ZZZ3: variants seen among roughly 807,000 people sequenced by gnomAD.
The protein encoded by ZZZ3 is ZZ-type zinc finger-containing protein 3.
A neutral mutation model predicts 95.2 loss-of-function variants in ZZZ3; 22 were observed. The ratio of observed to expected loss-of-function variants is 0.23; its 90% CI spans 0.17 to 0.33. ZZZ3 has a LOEUF of 0.33. Ranked by LOEUF, ZZZ3 falls within the 10% of genes least tolerant of loss-of-function variation. The pLI, the probability that ZZZ3 is intolerant of heterozygous loss-of-function variation, is 1.00. For missense variants in ZZZ3, 885 were observed against 1,066.5 expected (o/e 0.83, Z 2.37); for synonymous variants, 335 against 358.9 (o/e 0.93, Z 0.75).
In ZZZ3 at chr1:77,578,880, A is replaced by G; in HGVS notation, c.2083-11T>C. ...TACTCGGCTGGCAACCTAAGGAAAC[A>G]TGACAAGTCTCTTAACACAATGAGA... is the stretch of plus-strand genomic sequence containing the variant. On this transcript the variant is annotated splice_polypyrimidine_tract_variant and intron_variant, in intron 10 of 14. Coordinates refer to ENST00000370801, the MANE Select transcript of ZZZ3 (RefSeq NM_015534.6). 2.0e-6 allele frequency: 3 copies of G among 1,532,864 alleles called. No individual in the cohort carries two copies. The highest frequency in any genetic ancestry group is 2.6e-6 in the Non-Finnish European group (3 of 1,143,846). 95.0% of individuals were successfully genotyped at this position (1,532,864 alleles called of 1,614,324 possible).
intron 11 of ZZZ3, among the ~76,000 whole-genome samples, chr1:77,578,247 A>AT (rs1398003581): frequency 1.3e-5 from 2 of 152,248 alleles, no homozygotes; most frequent in Admixed American, 1.3e-4. Context: ...ACAATATTTT[A>AT]TTTTTTTAAA....
chr1:77,609,493 A>C (rs1253148612), intron 5 of ZZZ3, among the ~76,000 whole-genome samples: 1 of 151,936 alleles, frequency 6.6e-6, no homozygotes, highest in Non-Finnish European at 1.5e-5. Context: ...AGACAGAAAA[A>C]TAAACAAAGA....
chr1:77,592,853 C>A (rs78223713), intron 5 of ZZZ3, among the ~76,000 whole-genome samples: 10,078 of 152,192 alleles, frequency 0.066, 686 homozygotes, highest in African/African-American at 0.17. Flanking sequence ...AACCAATATA[C>A]AGCTGGAGAA....
chr1:77,639,656 T>A, intron 3 of ZZZ3, 54 bp from the exon 4 acceptor site: 1 of 402,974 alleles, frequency 2.5e-6, no homozygotes, highest in Non-Finnish European at 4.3e-6. Context: ...GAACTTATGC[T>A]AATAGATTTA....
In ZZZ3 at chr1:77,575,012, C is replaced by T. The variant is rs150325961; in HGVS notation, c.2331+1056G>A. Among the ~76,000 whole-genome samples, 407 of 152,214 alleles carry T rather than the reference C, an allele frequency of 2.7e-3. 2 individuals carry two copies. The highest frequency in any genetic ancestry group is 8.6e-3 in the African/African-American group (358 of 41,532). ...TATCCTGGCCAACATAGTGAACCCC[C>T]GCCTCTACTGAAAATACAAAAACTA... On this transcript the variant is annotated intron_variant, in intron 12 of 14. Transcript: ENST00000370801.
intron 10 of ZZZ3, 134 bp downstream of exon 10, chr1:77,579,391 TAA>T: frequency 1.8e-6 from 1 of 564,936 alleles, no homozygotes; most frequent in Non-Finnish European, 3.1e-6. Context: ...ACAATTTTTT[TAA>T]AAAAACACCA....
rs989999330 is a variant in ZZZ3 at position 77,568,222 on chromosome 1, T to G, written c.2466+110A>C. 6.9e-6 allele frequency: 6 copies of G among 866,502 alleles called. No homozygotes were observed. In the African/African-American group the frequency reaches 1.1e-4, roughly 16 times the overall value. The allele number at this position is 866,502 out of a possible 1,614,324, so 53.7% of individuals were successfully genotyped here. The stretch of plus-strand genomic sequence containing the variant: ...TGAACCCGGGAGGCAGAGGTTGCAG[T>G]AAGCTGAGATCACGCCACTGCACTC... On this transcript the variant is annotated intron_variant, in intron 13 of 14. Transcript: ENST00000370801.
At chr1:77,642,761 A>AT (rs1216260875) in intron 1 of ZZZ3, among the ~76,000 whole-genome samples, 2 of 151,914 alleles carry the variant, frequency 1.3e-5, no homozygotes, top group African/African-American at 2.4e-5. Flanking sequence ...CAAAAACAAA[A>AT]TTTTTTTTAA....
In ZZZ3 at chr1:77,633,290, G is replaced by A. The variant is rs773387525; in HGVS notation, c.65C>T (p.Ser22Phe). 1 of 1,613,974 alleles carries A rather than the reference G, an allele frequency of 6.2e-7. No individual in the cohort carries two copies. The highest frequency in any genetic ancestry group is 1.1e-5 in the South Asian group (1 of 91,042). ...STVGLNGLDE[S>F]FCGRTLRNRS... Reference sequence around the variant, plus strand: ...ATTCCTTAAAGTTCTACCACAAAAAGATTCATCCAAGCCGTTTAACCCCAC... The same window carrying A: ...ATTCCTTAAAGTTCTACCACAAAAAAATTCATCCAAGCCGTTTAACCCCAC... Residue 22 changes from serine (S) to phenylalanine (F), a missense_variant, in exon 5 of 15, where the codon TCT becomes TTT. By Grantham distance (155) the Ser-to-Phe change is radical. Transcript: ENST00000370801.
chr1:77,564,529 T>G lies in ZZZ3; in HGVS notation c.*1111A>C, dbSNP rs867726261. ...ATAATATAAACAGACAGTATCCACA[T>G]AGTTTATTTCTCACAGTTCTCCTGA... On this transcript the variant is annotated 3_prime_UTR_variant, in exon 15 of 15. Transcript: ENST00000370801. 1 of 152,378 alleles carries G rather than the reference T, an allele frequency of 6.6e-6. No individual in the cohort carries two copies. Among genetic ancestry groups the G allele is most frequent in the Non-Finnish European group, 1.5e-5 (1 of 67,990 alleles). 9.4% of individuals were successfully genotyped at this position (152,378 alleles called of 1,614,324 possible).
intron 5 of ZZZ3, among the ~76,000 whole-genome samples, chr1:77,615,154 C>A (rs1198455963): frequency 1.3e-5 from 2 of 152,188 alleles, no homozygotes; most frequent in Admixed American, 6.5e-5. Flanking sequence ...TCCTACCTAA[C>A]AACAAAAATG....
Position 77,632,146 on chromosome 1 carries a change from T to C in ZZZ3, c.1209A>G (p.Gly403=). Reference sequence around the variant, plus strand: ...GACTAAGATTATTCTCCTCAAATTGTCCATTTTCTCTGTAAGGAGAACTGT... The same window carrying C: ...GACTAAGATTATTCTCCTCAAATTGCCCATTTTCTCTGTAAGGAGAACTGT... ...TKNSSPYREN[G]QFEENNLSPN... is the part of the protein sequence containing the mutation. Residue 403 remains glycine (G), a synonymous_variant, in exon 5 of 15, where the codon GGA becomes GGG. Coordinates refer to ENST00000370801, the MANE Select transcript of ZZZ3 (RefSeq NM_015534.6). The C allele has an allele frequency of 1.2e-6, 2 of 1,614,180 alleles. No individual in the cohort carries two copies. The highest frequency in any genetic ancestry group is 1.7e-6 in the Non-Finnish European group (2 of 1,180,024).
At chr1:77,671,555 C>A (rs1671787521) in intron 1 of ZZZ3, among the ~76,000 whole-genome samples, 1 of 152,126 alleles carries the variant, frequency 6.6e-6, no homozygotes, top group South Asian at 2.1e-4. Context: ...CCATTTAGCA[C>A]CTGTGTGACA....
chr1:77,579,303 T>C (rs1459874130), intron 10 of ZZZ3, among the ~76,000 whole-genome samples: 2 of 152,230 alleles, frequency 1.3e-5, no homozygotes, highest in Non-Finnish European at 2.9e-5. Flanking sequence ...AAGTCCATTA[T>C]ATGTTCATTT....
Position 77,639,535 on chromosome 1 carries a change from C to CTTAA in ZZZ3, c.-142_-139dup. 7.5e-7 allele frequency: 1 copy of CTTAA among 1,328,088 alleles called. No individual in the cohort carries two copies. The highest frequency in any genetic ancestry group is 1.0e-6 in the Non-Finnish European group (1 of 999,574). 82.3% of individuals were successfully genotyped at this position (1,328,088 alleles called of 1,614,324 possible). On this transcript the variant is annotated 5_prime_UTR_variant, in exon 4 of 15. An upstream open reading frame in the 5' UTR gains an earlier in-frame stop. Coordinates refer to ENST00000370801, the MANE Select transcript of ZZZ3 (RefSeq NM_015534.6). The stretch of plus-strand genomic sequence containing the variant: ...GTTGGAGCTATGATCTAGAATGGAG[C>CTTAA]TTAAGCATCAGGGTTTCAGACTCTC...
At chr1:77,566,016 T>C (rs1222999177) in intron 14 of ZZZ3, 65 bp downstream of exon 14, 1 of 1,326,150 alleles carries the variant, frequency 7.5e-7, no homozygotes, top group Non-Finnish European at 1.0e-6. Flanking sequence ...GAAATCAAAT[T>C]CACTAATGGC....
Position 77,632,419 on chromosome 1 carries a change from C to T in ZZZ3, c.936G>A (p.Arg312=), listed in dbSNP as rs751006811. The T allele has an allele frequency of 1.7e-5, 27 of 1,613,970 alleles. No individual in the cohort carries two copies. Among genetic ancestry groups the T allele is most frequent in the Non-Finnish European group, 2.2e-5 (26 of 1,180,004 alleles). The part of the protein sequence containing the change: ...GPFSETQSSL[R]DSEEEVDVVG... ...CCACATCTACTTCCTCCTCAGAATCCCTTAAAGATGACTGAGTTTCAGAAA... is the reference window on the plus strand; with the variant it reads ...CCACATCTACTTCCTCCTCAGAATCTCTTAAAGATGACTGAGTTTCAGAAA... The change falls in exon 5 of 15, where the codon AGG becomes AGA. Residue 312 remains arginine (R), a synonymous_variant. Transcript: ENST00000370801.
intron 9 of ZZZ3, 81 bp downstream of exon 9, chr1:77,580,917 G>T: frequency 8.3e-7 from 1 of 1,199,814 alleles, no homozygotes. Context: ...TGAGCCACTG[G>T]ACCTGGCCTC....
intron 5 of ZZZ3, among the ~76,000 whole-genome samples, chr1:77,587,350 T>C (rs948825835): frequency 9.8e-4 from 144 of 147,548 alleles, no homozygotes; most frequent in African/African-American, 3.2e-3. Flanking sequence ...CTGCAAGCTC[T>C]GCCTCCCGGG....
Sources: allele counts gnomAD v4.1 joint callset (sites outside exome capture counted in the v4.1 genomes callset), GRCh38; gene constraint gnomAD v4.1.1; transcripts MANE v1.5; gene names NCBI Gene and HGNC (gene_info 2026-07-23, HGNC 2026-07-21).